ARHGEF4: variants seen among roughly 807,000 people sequenced by gnomAD.
The protein encoded by ARHGEF4 is APC-stimulated guanine nucleotide exchange factor 1.
A neutral mutation model predicts 162.0 loss-of-function variants in ARHGEF4; 119 were observed. The ratio of observed to expected loss-of-function variants is 0.73; its 90% CI spans 0.63 to 0.86. ARHGEF4 has a LOEUF of 0.86. Ranked by LOEUF, ARHGEF4 falls within the 40% of genes least tolerant of loss-of-function variation. The pLI is 0.00. For missense variants in ARHGEF4, 2,488 were observed against 2,456.0 expected (o/e 1.01, Z -0.28); for synonymous variants, 1,014 against 979.9 (o/e 1.03, Z -0.65).
chr2:130,992,026 G>A (rs893863279), intron 4 of ARHGEF4, among the ~76,000 whole-genome samples: 3 of 152,228 alleles, frequency 2.0e-5, no homozygotes, highest in African/African-American at 7.2e-5. Flanking sequence ...CCTGTGTCTA[G>A]CTCAGGGTTT....
chr2:130,932,841 T>C (rs764107882), intron 3 of ARHGEF4, among the ~76,000 whole-genome samples: 3 of 152,224 alleles, frequency 2.0e-5, no homozygotes, highest in Admixed American at 6.5e-5. Context: ...ATATTTTCCA[T>C]GCGGATATGT....
intron 4 of ARHGEF4, among the ~76,000 whole-genome samples, chr2:130,957,371 CA>C (rs1218381669): frequency 6.6e-6 from 1 of 151,664 alleles, no homozygotes; most frequent in Non-Finnish European, 1.5e-5. Context: ...AAGCCAGGCT[CA>C]AAAGATCATA....
chr2:130,893,901 C>G (rs1480145979), intron 1 of ARHGEF4, among the ~76,000 whole-genome samples: 2 of 152,198 alleles, frequency 1.3e-5, no homozygotes, highest in Non-Finnish European at 2.9e-5. Context: ...TGGGAAGAGA[C>G]AAGACCTGGT....
chr2:131,046,306 G>C lies in ARHGEF4; in HGVS notation c.*117G>C. ...GCCTGCAAGTGAGCAGGGATGGGCT[G>C]GGGAGTTGCTTGTGCCACCAAGACG... On this transcript the variant is annotated 3_prime_UTR_variant, in exon 14 of 14. Coordinates refer to ENST00000409359, the MANE Select transcript of ARHGEF4 (RefSeq NM_001367493.1). The C allele has an allele frequency of 9.0e-7, 1 of 1,109,034 alleles. No individual in the cohort carries two copies. Among genetic ancestry groups the C allele is most frequent in the East Asian group, 2.6e-5 (1 of 38,312 alleles). The allele number at this position is 1,109,034 out of a possible 1,614,324, so 68.7% of individuals were successfully genotyped here. A position where few individuals can be genotyped will look rare whatever the true frequency, so the allele number is the denominator to read the frequency against.
At chr2:131,039,750 C>T in intron 6 of ARHGEF4, 3 of 1,363,176 alleles carry the variant, frequency 2.2e-6, no homozygotes, top group Non-Finnish European at 2.8e-6. Flanking sequence ...GCTCCAGCCT[C>T]TGTGCCGGGC....
At chr2:131,039,965 G>C in intron 6 of ARHGEF4, 51 bp from the exon 7 acceptor site, 1 of 1,538,776 alleles carries the variant, frequency 6.5e-7, no homozygotes, top group Non-Finnish European at 8.7e-7. Context: ...CAGGGCGCGG[G>C]GCGTTGCTCC....
chr2:130,886,433 A>G (rs533830865), intron 1 of ARHGEF4, among the ~76,000 whole-genome samples: 63 of 151,980 alleles, frequency 4.1e-4, no homozygotes, highest in African/African-American at 1.4e-3. Context: ...TAATCCCAGC[A>G]CTTTGGGAGG....
At chr2:130,874,168 C>CA (rs1382319349) in intron 1 of ARHGEF4, among the ~76,000 whole-genome samples, 2 of 152,224 alleles carry the variant, frequency 1.3e-5, no homozygotes, top group African/African-American at 4.8e-5. Context: ...TCCCTATCAG[C>CA]AAAAACGGAG....
chr2:131,029,234 C>G (rs1238919383), intron 5 of ARHGEF4, among the ~76,000 whole-genome samples: 1 of 152,062 alleles, frequency 6.6e-6, no homozygotes, highest in African/African-American at 2.4e-5. Context: ...TGGCGGGCAC[C>G]TGTAATCCCA....
chr2:130,898,750 A>G (rs910005492), intron 1 of ARHGEF4, among the ~76,000 whole-genome samples: 1 of 152,102 alleles, frequency 6.6e-6, no homozygotes, highest in Non-Finnish European at 1.5e-5. Flanking sequence ...AAGCCCACAC[A>G]TTTCTCAGGA....
At chr2:130,902,006 A>C (rs982390836) in intron 1 of ARHGEF4, among the ~76,000 whole-genome samples, 7 of 152,104 alleles carry the variant, frequency 4.6e-5, no homozygotes, top group Admixed American at 2.0e-4. Context: ...CTTTTCACTC[A>C]GAAACCCCAA....
At chr2:131,041,671 G>A (rs1690819976) in intron 9 of ARHGEF4, 144 bp from the exon 10 acceptor site, 1 of 1,248,256 alleles carries the variant, frequency 8.0e-7, no homozygotes, top group Non-Finnish European at 1.1e-6. Flanking sequence ...ATGGAGAAGA[G>A]AGGGGCTGTG....
chr2:131,043,296 C>T (rs904725366), intron 10 of ARHGEF4, among the ~76,000 whole-genome samples, 156 bp from the exon 11 acceptor site: 1 of 152,160 alleles, frequency 6.6e-6, no homozygotes. Context: ...ACAGGCCAGA[C>T]GTGCCACCTC....
At chr2:130,996,731 CAG>C (rs1194328304) in intron 4 of ARHGEF4, among the ~76,000 whole-genome samples, 6 of 152,162 alleles carry the variant, frequency 3.9e-5, no homozygotes, top group Non-Finnish European at 7.3e-5. Context: ...GTGACTTTTT[CAG>C]AGTGTGCGCA....
intron 2 of ARHGEF4, among the ~76,000 whole-genome samples, chr2:130,923,838 T>C (rs1004102190): frequency 2.0e-5 from 3 of 152,048 alleles, no homozygotes; most frequent in Non-Finnish European, 4.4e-5. Context: ...CCATCGCCAT[T>C]GGTGCCTGAT....
chr2:130,884,449 A>T (rs546339043), intron 1 of ARHGEF4, among the ~76,000 whole-genome samples: 1 of 152,216 alleles, frequency 6.6e-6, no homozygotes, highest in African/African-American at 2.4e-5. Flanking sequence ...GTCTCAGTGT[A>T]TTGTTTTGTA....
chr2:130,991,525 G>GC (rs991250195), intron 4 of ARHGEF4, among the ~76,000 whole-genome samples: 4 of 152,276 alleles, frequency 2.6e-5, no homozygotes, highest in African/African-American at 9.6e-5. Flanking sequence ...GGCTTGGCGG[G>GC]CCCGGCACTC....
At chr2:131,002,075 G>A (rs1687805038) in intron 4 of ARHGEF4, among the ~76,000 whole-genome samples, 1 of 152,064 alleles carries the variant, frequency 6.6e-6, no homozygotes, top group African/African-American at 2.4e-5. Flanking sequence ...TACGTTTATT[G>A]AACAAATACT....
intron 1 of ARHGEF4, among the ~76,000 whole-genome samples, chr2:130,865,864 C>T (rs1433909703): frequency 6.6e-6 from 1 of 152,080 alleles, no homozygotes; most frequent in Admixed American, 6.6e-5. Context: ...GGGCCTTAGA[C>T]TGAGGGGGGA....
Sources: allele counts gnomAD v4.1 joint callset (sites outside exome capture counted in the v4.1 genomes callset), GRCh38; gene constraint gnomAD v4.1.1; transcripts MANE v1.5; gene names NCBI Gene and HGNC (gene_info 2026-07-23, HGNC 2026-07-21).